The following RNF216 variants were observed in gnomAD, a reference collection of about 807,000 sequenced individuals.
The protein encoded by RNF216 is ring finger protein 216, also known as E3 ubiquitin-protein ligase RNF216.
Under a neutral mutation model 110.8 loss-of-function variants are expected in RNF216, and 72 were observed. The observed-to-expected ratio is 0.65, with a 90% CI of 0.54 to 0.79. The LOEUF is 0.79. Ranked by LOEUF, RNF216 falls within the 30% of genes least tolerant of loss-of-function variation. The probability of loss-of-function intolerance (pLI) is 0.00; values close to 1 mark genes in which losing one functional copy is unlikely to be tolerated. For synonymous variants in RNF216, 495 were observed against 407.5 expected, an observed-to-expected ratio of 1.21 and a Z score of -2.59; for missense variants, 1,342 against 1,141.2, an observed-to-expected ratio of 1.18 and a Z score of -2.54.
intron 1 of RNF216, among the ~76,000 whole-genome samples, chr7:5,771,181 T>C (rs1020801866): frequency 2.0e-5 from 3 of 152,166 alleles, no homozygotes; most frequent in South Asian, 2.1e-4. Flanking sequence ...CTTTCTACTA[T>C]ATGATGCTGT....
chr7:5,661,704 G>A (rs1286554133), intron 13 of RNF216, among the ~76,000 whole-genome samples: 1 of 152,168 alleles, frequency 6.6e-6, no homozygotes, highest in Non-Finnish European at 1.5e-5. Flanking sequence ...TTGGGAGGCT[G>A]AGGCATGAGA....
intron 15 of RNF216, among the ~76,000 whole-genome samples, chr7:5,625,421 A>G (rs1301887677): frequency 6.6e-6 from 1 of 152,212 alleles, no homozygotes; most frequent in African/African-American, 2.4e-5. Flanking sequence ...GGGTTGGAAT[A>G]TTAATAATGA....
At chr7:5,663,756 G>A (rs1270841991) in intron 13 of RNF216, among the ~76,000 whole-genome samples, 1 of 151,666 alleles carries the variant, frequency 6.6e-6, no homozygotes, top group Non-Finnish European at 1.5e-5. Flanking sequence ...AAATTAGCCG[G>A]GTGTGGTGGC....
At chr7:5,722,651 A>C (rs1475278926) in intron 8 of RNF216, among the ~76,000 whole-genome samples, 1 of 151,690 alleles carries the variant, frequency 6.6e-6, no homozygotes, top group Non-Finnish European at 1.5e-5. Context: ...CGGCCTCCCA[A>C]AGTGCCAGGA....
intron 11 of RNF216, among the ~76,000 whole-genome samples, chr7:5,713,631 G>A (rs1343828129): frequency 6.6e-6 from 1 of 152,156 alleles, no homozygotes; most frequent in Non-Finnish European, 1.5e-5. Context: ...AAACTCACTG[G>A]TCTATAAGCC....
rs183231118 is a variant in RNF216 at position 5,682,559 on chromosome 7, C to T, written c.2061+29202G>A. Reference sequence around the variant, plus strand: ...AGTAGCTGGGACTACAGGTGCCCACCACCATGCCGGGCTATTTTTGTATTT... The same window carrying T: ...AGTAGCTGGGACTACAGGTGCCCACTACCATGCCGGGCTATTTTTGTATTT... On this transcript the variant is annotated intron_variant, in intron 13 of 16. Coordinates refer to ENST00000389902, the MANE Select transcript of RNF216 (RefSeq NM_207111.4). Among the ~76,000 whole-genome samples, 231 of 152,176 alleles carry T rather than the reference C, an allele frequency of 1.5e-3. 2 individuals are homozygous for T. The highest frequency in any genetic ancestry group is 5.3e-3 in the African/African-American group (220 of 41,518).
At chr7:5,774,099 G>GT in intron 1 of RNF216, among the ~76,000 whole-genome samples, 1 of 152,324 alleles carries the variant, frequency 6.6e-6, no homozygotes, top group East Asian at 1.9e-4. Flanking sequence ...TTAACTAAAT[G>GT]TAAGTCTCTG....
At chr7:5,661,173 C>T (rs113624458) in intron 13 of RNF216, among the ~76,000 whole-genome samples, 3 of 152,044 alleles carry the variant, frequency 2.0e-5, no homozygotes, top group Non-Finnish European at 2.9e-5. Context: ...TTCCTGGCCT[C>T]AAGTGATCTG....
At chr7:5,719,433 G>A (rs143539237) in intron 9 of RNF216, among the ~76,000 whole-genome samples, 10 of 152,318 alleles carry the variant, frequency 6.6e-5, no homozygotes, top group African/African-American at 1.9e-4. Flanking sequence ...GTCCAGGTCT[G>A]AGAAAGCAGA....
At chr7:5,651,423 G>A (rs554544438) in intron 14 of RNF216, among the ~76,000 whole-genome samples, 2 of 151,862 alleles carry the variant, frequency 1.3e-5, no homozygotes, top group Non-Finnish European at 2.9e-5. Flanking sequence ...GTAGAGATGA[G>A]GTTTTACCAT....
intron 14 of RNF216, among the ~76,000 whole-genome samples, chr7:5,642,306 C>G (rs1471848954): frequency 6.6e-6 from 1 of 151,656 alleles, no homozygotes; most frequent in Non-Finnish European, 1.5e-5. Context: ...TCCGCCTCCC[C>G]GGGTTCAAGA....
At chr7:5,706,486 CCTT>C (rs775074992) in intron 13 of RNF216, among the ~76,000 whole-genome samples, 1 of 152,178 alleles carries the variant, frequency 6.6e-6, no homozygotes. Flanking sequence ...CAGTATCTGT[CCTT>C]CTATGACTGG....
intron 14 of RNF216, among the ~76,000 whole-genome samples, chr7:5,643,708 A>T (rs1326574184): frequency 6.6e-6 from 1 of 152,142 alleles, no homozygotes; most frequent in Non-Finnish European, 1.5e-5. Flanking sequence ...TTTTTAAACC[A>T]CTCTAACGTA....
chr7:5,757,810 T>C (rs1250831470), intron 2 of RNF216, among the ~76,000 whole-genome samples: 1 of 152,166 alleles, frequency 6.6e-6, no homozygotes, highest in Admixed American at 6.6e-5. Context: ...AGGTGGTATA[T>C]TCATTTTATA....
intron 13 of RNF216, among the ~76,000 whole-genome samples, chr7:5,681,159 T>C (rs1408377513): frequency 6.6e-6 from 1 of 152,196 alleles, no homozygotes; most frequent in Non-Finnish European, 1.5e-5. Flanking sequence ...CTGAATCGTT[T>C]GTGGTTCTTC....
At chr7:5,644,469 T>C (rs1787929668) in intron 14 of RNF216, among the ~76,000 whole-genome samples, 1 of 152,214 alleles carries the variant, frequency 6.6e-6, no homozygotes, top group Non-Finnish European at 1.5e-5. Context: ...GTTGGTCATT[T>C]GTACATCTTT....
In RNF216 at chr7:5,621,666, T is replaced by A. The variant is rs1219863869; in HGVS notation, c.*1194A>T. The A allele has an allele frequency of 6.6e-6, 1 of 152,382 alleles. No individual in the cohort carries two copies. The allele number at this position is 152,382 out of a possible 1,614,324, so 9.4% of individuals were successfully genotyped here. On this transcript the variant is annotated 3_prime_UTR_variant, in exon 17 of 17. Coordinates refer to ENST00000389902, the MANE Select transcript of RNF216 (RefSeq NM_207111.4). ...GAACTCCCAGCCTCTCAGAACCCCATGGCAACACGACAAGGACAAGGCAGG... is the reference window on the plus strand; with the variant it reads ...GAACTCCCAGCCTCTCAGAACCCCAAGGCAACACGACAAGGACAAGGCAGG...
At chr7:5,669,582 G>A (rs1476896040) in intron 13 of RNF216, among the ~76,000 whole-genome samples, 1 of 152,174 alleles carries the variant, frequency 6.6e-6, no homozygotes, top group Non-Finnish European at 1.5e-5. Flanking sequence ...AAATCTGCCA[G>A]ATATCACTGT....
rs1246984869 is a variant in RNF216, at chr7:5,730,759, T to TAATG, written c.1176_1179dup (p.Ile394HisfsTer6). On this transcript the variant is annotated frameshift_variant, in exon 6 of 17. Transcript: ENST00000389902. LOFTEE classifies it high-confidence loss of function. ...GCCAGCAGACTGCTACTGGGATTTA[T>TAATG]AATGATTCTGTCTTCTCTCTTTGGA... 1 of 1,611,192 alleles carries TAATG rather than the reference T, an allele frequency of 6.2e-7. No individual in the cohort carries two copies. The highest frequency in any genetic ancestry group is 8.5e-7 in the Non-Finnish European group (1 of 1,178,406).
Sources: gnomAD v4.1 joint callset for allele counts (sites outside exome capture counted in the v4.1 genomes callset) on GRCh38, gnomAD v4.1.1 for gene constraint, MANE v1.5 for transcripts, NCBI Gene and HGNC (gene_info 2026-07-23, HGNC 2026-07-21) for gene names.